Variants in MCAM observed in about 807,000 individuals in gnomAD.
MCAM encodes melanoma cell adhesion molecule.
MCAM carries 55 observed loss-of-function variants against 79.1 expected under a neutral mutation model. The ratio of observed to expected loss-of-function variants is 0.70; its 90% CI spans 0.56 to 0.87. MCAM has a LOEUF of 0.87. Ranked by LOEUF, MCAM falls within the 40% of genes least tolerant of loss-of-function variation. MCAM has a pLI of 0.00. For synonymous variants in MCAM, 330 were observed against 339.8 expected (o/e 0.97, Z 0.32); for missense variants, 745 against 839.8 (o/e 0.89, Z 1.40).
At position 119,315,648 on chromosome 11, in the gene MCAM, G is replaced by C. The variant is rs1227955705; in HGVS notation, c.68-385C>G. ...AGCATGTGCCAGGCTGGGGCACACAGGCCCTTTTGTGTCACCACCGCCAGG... is the reference window on the plus strand; with the variant it reads ...AGCATGTGCCAGGCTGGGGCACACACGCCCTTTTGTGTCACCACCGCCAGG... On this transcript the variant is annotated intron_variant, in intron 1 of 15. Coordinates refer to ENST00000264036, the MANE Select transcript of MCAM (RefSeq NM_006500.3). The surrounding 1 kb of genome is among the most constrained non-coding windows in gnomAD (Gnocchi z 4.4). The C allele has an allele frequency of 4.1e-6, 1 of 241,012 alleles. No individual in the cohort carries two copies. Among genetic ancestry groups the C allele is most frequent in the Non-Finnish European group, 8.4e-6 (1 of 119,238 alleles). The allele number at this position is 241,012 out of a possible 1,614,324, so 14.9% of individuals were successfully genotyped here.
intron 14 of MCAM, 142 bp downstream of exon 14, chr11:119,310,614 G>A: frequency 1.8e-6 from 2 of 1,112,568 alleles, no homozygotes; most frequent in South Asian, 2.8e-5. Context: ...TGTGGCTGAT[G>A]GAAGCTGGGC....
rs760511773 is a variant in MCAM, at chr11:119,311,453, A to G, written c.1408-32T>C. The G allele has an allele frequency of 6.2e-7, 1 of 1,613,550 alleles. No individual in the cohort carries two copies. Among genetic ancestry groups the G allele is most frequent in the African/African-American group, 1.3e-5 (1 of 75,002 alleles). On this transcript the variant is annotated intron_variant, in intron 11 of 15. Transcript: ENST00000264036. The surrounding 1 kb of genome is among the most constrained non-coding windows in gnomAD (Gnocchi z 4.4). ...GGAAAGGAAGGAGGCAGCTCAGGGG[A>G]TGGGGAGGATCTCTGGTCCTGGCCA... is the stretch of plus-strand genomic sequence containing the variant.
Position 119,309,377 on chromosome 11 carries a change from C to G in MCAM, c.*509G>C, listed in dbSNP as rs1322059286. The stretch of plus-strand genomic sequence containing the variant: ...AGACAGGAGGGTGGTGGCAGCAACA[C>G]TGCAGCTGCTTCTGGATGCTGCTGG... On this transcript the variant is annotated 3_prime_UTR_variant, in exon 16 of 16. Coordinates refer to ENST00000264036, the MANE Select transcript of MCAM (RefSeq NM_006500.3). 1 of 156,336 alleles carries G rather than the reference C, an allele frequency of 6.4e-6. No homozygotes were observed. The highest frequency in any genetic ancestry group is 1.4e-5 in the Non-Finnish European group (1 of 70,534). The allele number at this position is 156,336 out of a possible 1,614,324, so 9.7% of individuals were successfully genotyped here.
intron 4 of MCAM, 42 bp from the exon 5 acceptor site, chr11:119,314,618 C>T: frequency 1.2e-6 from 2 of 1,611,974 alleles, no homozygotes; most frequent in Non-Finnish European, 1.7e-6. Context: ...TCCGAGCCCC[C>T]TTCAAGCCCC....
rs748790763 is a variant in MCAM, at chr11:119,311,248, C to T, written c.1549+32G>A. The stretch of plus-strand genomic sequence containing the variant: ...GTTACTGCCCGTGCCTGGGCCTGCC[C>T]CTGCCATCCCCTGCAGGGATGCAGC... On this transcript the variant is annotated intron_variant, in intron 12 of 15. Transcript: ENST00000264036. The surrounding 1 kb of genome is among the most constrained non-coding windows in gnomAD (Gnocchi z 4.4). 81 of 1,613,304 alleles carry T rather than the reference C, an allele frequency of 5.0e-5. No individual in the cohort carries two copies. In the South Asian group the frequency reaches 8.8e-4, roughly 17 times the overall value.
In MCAM at chr11:119,311,233, G is replaced by GTGCCTGGGCCTGCCCC; in HGVS notation, c.1549+31_1549+46dup. ...TTAGGAGAAGCGCAAGTTACTGCCCGTGCCTGGGCCTGCCCCTGCCATCCC... is the reference window on the plus strand; with the variant it reads ...TTAGGAGAAGCGCAAGTTACTGCCCGTGCCTGGGCCTGCCCCTGCCTGGGCCTGCCCCTGCCATCCC... On this transcript the variant is annotated intron_variant, in intron 12 of 15. Transcript: ENST00000264036. The surrounding 1 kb of genome is among the most constrained non-coding windows in gnomAD (Gnocchi z 4.4). 2 of 1,612,990 alleles carry GTGCCTGGGCCTGCCCC rather than the reference G, an allele frequency of 1.2e-6. No homozygotes were observed. Among genetic ancestry groups the GTGCCTGGGCCTGCCCC allele is most frequent in the Non-Finnish European group, 1.7e-6 (2 of 1,179,026 alleles).
chr11:119,314,246 C>T (rs1300779225), intron 5 of MCAM: 2 of 514,718 alleles, frequency 3.9e-6, no homozygotes, highest in East Asian at 3.8e-5. Context: ...GCCTTCATTT[C>T]CTGGGCTCAT....
rs907256301 is a variant in MCAM, at chr11:119,309,343, T to G, written c.*543A>C. ...AAAGAAAAAATGTCACAGGAGACTT[T>G]GAAGAGGCAGACAGGAGGGTGGTGG... On this transcript the variant is annotated 3_prime_UTR_variant, in exon 16 of 16. Coordinates refer to ENST00000264036, the MANE Select transcript of MCAM (RefSeq NM_006500.3). The G allele has an allele frequency of 1.3e-5, 2 of 154,126 alleles. No homozygotes were observed. Among genetic ancestry groups the G allele is most frequent in the African/African-American group, 4.8e-5 (2 of 41,480 alleles). 9.5% of individuals were successfully genotyped at this position (154,126 alleles called of 1,614,324 possible). A position where few individuals can be genotyped will look rare whatever the true frequency, so the allele number is the denominator to read the frequency against.
In MCAM at chr11:119,309,714, C is replaced by G; in HGVS notation, c.*172G>C. 1.5e-6 allele frequency: 1 copy of G among 651,436 alleles called. No homozygotes were observed. The highest frequency in any genetic ancestry group is 2.7e-6 in the Non-Finnish European group (1 of 368,974). The allele number at this position is 651,436 out of a possible 1,614,324, so 40.4% of individuals were successfully genotyped here. Reference sequence around the variant, plus strand: ...ACTGGTCCCTGAAAAGCGGGCCTTGCAGGGCCAAGTGAGGTCCTCAGGTCC... The same window carrying G: ...ACTGGTCCCTGAAAAGCGGGCCTTGGAGGGCCAAGTGAGGTCCTCAGGTCC... On this transcript the variant is annotated 3_prime_UTR_variant, in exon 16 of 16. Transcript: ENST00000264036.
Position 119,315,093 on chromosome 11 carries a change from A to G in MCAM, c.192+46T>C, listed in dbSNP as rs1261298929. The G allele has an allele frequency of 6.2e-7, 1 of 1,611,880 alleles. No homozygotes were observed. The highest frequency in any genetic ancestry group is 1.7e-5 in the Admixed American group (1 of 60,006). On this transcript the variant is annotated intron_variant, in intron 2 of 15. Coordinates refer to ENST00000264036, the MANE Select transcript of MCAM (RefSeq NM_006500.3). The surrounding 1 kb of genome is among the most constrained non-coding windows in gnomAD (Gnocchi z 4.4). ...AAGGGTCCTGGGCTACAAGAGGGGC[A>G]GAGTCTCCCTCCCCGGGCTGCTCTT...
In MCAM at chr11:119,311,921, A is replaced by T. The variant is rs1291103839; in HGVS notation, c.1172T>A (p.Val391Glu). 14 of 1,613,852 alleles carry T rather than the reference A, an allele frequency of 8.7e-6. No homozygotes were observed. Among genetic ancestry groups the T allele is most frequent in the Non-Finnish European group, 1.2e-5 (14 of 1,180,014 alleles). Residue 391 changes from valine (V) to glutamate (E), a missense_variant, in exon 10 of 16, where the codon GTG becomes GAG. Transcript: ENST00000264036. The surrounding 1 kb of genome is among the most constrained non-coding windows in gnomAD (Gnocchi z 4.4). ...ETGQVLERGPVLQLHDLKREA... is the reference protein window; with the variant it reads ...ETGQVLERGPELQLHDLKREA... The stretch of plus-strand genomic sequence containing the variant: ...CCGTTTCAGGTCATGCAACTGAAGC[A>T]CAGGCCCCCTTTCCAGCACCTGGCC...
rs150423005 is a variant in MCAM at position 119,311,812 on chromosome 11, A to C, written c.1281T>G (p.Ile427Met). 3 of 1,613,994 alleles carry C rather than the reference A, an allele frequency of 1.9e-6. No homozygotes were observed. Among genetic ancestry groups the C allele is most frequent in the Admixed American group, 1.7e-5 (1 of 60,014 alleles). The change falls in exon 10 of 16, where the codon ATT (isoleucine) becomes ATG (methionine). Residue 427 changes from isoleucine to methionine, a missense_variant. By Grantham distance (10) the Ile-to-Met change is conservative. Coordinates refer to ENST00000264036, the MANE Select transcript of MCAM (RefSeq NM_006500.3). This position sits in a 1 kb window ranked among gnomAD's most constrained non-coding sequence, Gnocchi z 4.4. ...LNRTQLVNVA[I>M]FGPPWMAFKE... The stretch of plus-strand genomic sequence containing the variant: ...TACCCAGAGGGAGGGCCTCACCAAA[A>C]ATGGCCACGTTGACCAGCTGTGTGC...
In MCAM at chr11:119,310,367, CTT is replaced by C. The variant is rs1266617354; in HGVS notation, c.1891_1892del (p.Lys631GlufsTer46). ...CTCCTACCTGGTCTCCCGGAGCCCT[CTT>C]GTCACCGCTGCTGCCCTGCAGGAGG... Reference protein sequence around the residue: ...MGLLQGSSGDKRAPGDQGEKY... With the variant: ...MGLLQGSSGDXRAPGDQGEKY... On this transcript the variant is annotated frameshift_variant, in exon 15 of 16. Transcript: ENST00000264036. LOFTEE classifies it high-confidence loss of function. The C allele has an allele frequency of 1.2e-6, 2 of 1,613,608 alleles. No homozygotes were observed. The highest frequency in any genetic ancestry group is 2.2e-5 in the South Asian group (2 of 91,074).
Position 119,311,815 on chromosome 11 carries a change from G to A in MCAM, c.1278C>T (p.Ala426=). The A allele has an allele frequency of 2.5e-6, 4 of 1,614,068 alleles. No homozygotes were observed. Among genetic ancestry groups the A allele is most frequent in the Non-Finnish European group, 3.4e-6 (4 of 1,179,982 alleles). ...GLNRTQLVNV[A]IFGPPWMAFK... is the part of the protein sequence containing the mutation. ...CCAGAGGGAGGGCCTCACCAAAAAT[G>A]GCCACGTTGACCAGCTGTGTGCGGT... The change falls in exon 10 of 16, where the codon GCC becomes GCT. Residue 426 remains alanine (A), a synonymous_variant. Transcript: ENST00000264036. This position sits in a 1 kb window ranked among gnomAD's most constrained non-coding sequence, Gnocchi z 4.4.
At position 119,314,591 on chromosome 11, in the gene MCAM, G is replaced by A. The variant is rs770984475; in HGVS notation, c.472-15C>T. 13 of 1,612,612 alleles carry A rather than the reference G, an allele frequency of 8.1e-6. No individual in the cohort carries two copies. In the Admixed American group the frequency reaches 1.8e-4, roughly 23 times the overall value. ...CAGGTAGCGACCTAAAGAGCACAGG[G>A]TGTGAGTCTCCCTGCCTCCGAGCCC... On this transcript the variant is annotated splice_polypyrimidine_tract_variant and intron_variant, in intron 4 of 15. Transcript: ENST00000264036.
In MCAM at chr11:119,311,373, C is replaced by T; in HGVS notation, c.1456G>A (p.Val486Ile). Reference sequence around the variant, plus strand: ...TCCAACAGCTCCGGGGTCACGAGGACATTCAGGGTGCTCAGGACTCGCTGT... The same window carrying T: ...TCCAACAGCTCCGGGGTCACGAGGATATTCAGGGTGCTCAGGACTCGCTGT... Reference protein sequence around the residue: ...DPQRVLSTLNVLVTPELLETG... With the variant: ...DPQRVLSTLNILVTPELLETG... Residue 486 changes from valine to isoleucine, a missense_variant, in exon 12 of 16, where the codon GTC becomes ATC. Coordinates refer to ENST00000264036, the MANE Select transcript of MCAM (RefSeq NM_006500.3). This position sits in a 1 kb window ranked among gnomAD's most constrained non-coding sequence, Gnocchi z 4.4. 2 of 1,614,200 alleles carry T rather than the reference C, an allele frequency of 1.2e-6. No individual in the cohort carries two copies. The highest frequency in any genetic ancestry group is 1.3e-5 in the African/African-American group (1 of 75,042).
chr11:119,309,447 A>G lies in MCAM; in HGVS notation c.*439T>C. ...GTGAACAGCGCACTTCAACATGAGC[A>G]GGCGCCTGGCTCCGGTGTGTCCTCA... On this transcript the variant is annotated 3_prime_UTR_variant, in exon 16 of 16. Transcript: ENST00000264036. 5.1e-6 allele frequency: 1 copy of G among 196,080 alleles called. No individual in the cohort carries two copies. Among genetic ancestry groups the G allele is most frequent in the Non-Finnish European group, 1.1e-5 (1 of 94,196 alleles). 12.1% of individuals were successfully genotyped at this position (196,080 alleles called of 1,614,324 possible).
In MCAM at chr11:119,312,975, ACT is replaced by A. The variant is rs771678636; in HGVS notation, c.560-28_560-27del. On this transcript the variant is annotated intron_variant, in intron 5 of 15. Transcript: ENST00000264036. The surrounding 1 kb of genome is among the most constrained non-coding windows in gnomAD (Gnocchi z 4.9). ...CTGGGCAGGGAGGAAGGGGAGGAAG[ACT>A]CAGCCTCAGCCCCACCTCCAGCCCC... 19 of 1,613,180 alleles carry A rather than the reference ACT, an allele frequency of 1.2e-5. No homozygotes were observed. Among genetic ancestry groups the A allele is most frequent in the Non-Finnish European group, 1.4e-5 (16 of 1,179,938 alleles).
At position 119,311,850 on chromosome 11, in the gene MCAM, G is replaced by C. The variant is rs546534922; in HGVS notation, c.1243C>G (p.Pro415Ala). 3.9e-5 allele frequency: 63 copies of C among 1,614,132 alleles called. No homozygotes were observed. In the Admixed American group the frequency reaches 1.0e-3, roughly 27 times the overall value. Residue 415 changes from proline to alanine, a missense_variant, in exon 10 of 16, where the codon CCC (proline) becomes GCC (alanine). Coordinates refer to ENST00000264036, the MANE Select transcript of MCAM (RefSeq NM_006500.3). The surrounding 1 kb of genome is among the most constrained non-coding windows in gnomAD (Gnocchi z 4.4). ...YRCVASVPSI[P>A]GLNRTQLVNV... The stretch of plus-strand genomic sequence containing the variant: ...ACCAGCTGTGTGCGGTTCAGGCCGG[G>C]TATGCTGGGCACAGACGCCACGCAG...
Sources: gnomAD v4.1 joint callset for allele counts on GRCh38, gnomAD v4.1.1 for gene constraint, Gnocchi (gnomAD v3.1) non-coding constraint, MANE v1.5 for transcripts, NCBI Gene and HGNC (gene_info 2026-07-23, HGNC 2026-07-21) for gene names.